DCDC2: variants seen among roughly 807,000 people sequenced by gnomAD.
The protein encoded by DCDC2 is doublecortin domain containing 2.
DCDC2 carries 40 observed loss-of-function variants against 50.2 expected under a neutral mutation model. The observed-to-expected ratio is 0.80, with a 90% CI of 0.62 to 1.04. The LOEUF (loss-of-function observed/expected upper bound fraction) is 1.04. Among genes scored for constraint, DCDC2 ranks in the 50% least tolerant of loss-of-function variants. The pLI, the probability that DCDC2 is intolerant of heterozygous loss-of-function variation, is 0.00. For synonymous variants in DCDC2, 234 were observed against 210.6 expected, an observed-to-expected ratio of 1.11 and a Z score of -0.96; for missense variants, 570 against 581.9, an observed-to-expected ratio of 0.98 and a Z score of 0.21.
At chr6:24,260,933 G>A (rs908630914) in intron 7 of DCDC2, among the ~76,000 whole-genome samples, 5 of 152,128 alleles carry the variant, frequency 3.3e-5, no homozygotes, top group Non-Finnish European at 7.4e-5. Context: ...TGAGAACTCT[G>A]GTACCAATGT....
intron 7 of DCDC2, among the ~76,000 whole-genome samples, chr6:24,225,127 C>T (rs908902681): frequency 6.6e-6 from 1 of 152,134 alleles, no homozygotes; most frequent in African/African-American, 2.4e-5. Context: ...GGGTCCCTCC[C>T]ATACCCAGAT....
intron 7 of DCDC2, among the ~76,000 whole-genome samples, chr6:24,254,776 A>T (rs568628640): frequency 2.0e-5 from 3 of 152,282 alleles, no homozygotes; most frequent in South Asian, 2.1e-4. Context: ...CAGCCAATTT[A>T]TTCCAGAAAT....
At chr6:24,288,428 C>G (rs1763664871) in intron 6 of DCDC2, among the ~76,000 whole-genome samples, 1 of 152,172 alleles carries the variant, frequency 6.6e-6, no homozygotes, top group Non-Finnish European at 1.5e-5. Flanking sequence ...AGATGGCAAA[C>G]TAAATACCTA....
chr6:24,358,808 A>T (rs1406440216), upstream of DCDC2, among the ~76,000 whole-genome samples: 1 of 33,902 alleles, frequency 2.9e-5, no homozygotes, highest in African/African-American at 9.9e-5. Flanking sequence ...TTTATATATT[A>T]TATATAAATA....
At chr6:24,203,410 C>T (rs146435648) in intron 8 of DCDC2, among the ~76,000 whole-genome samples, 4 of 152,130 alleles carry the variant, frequency 2.6e-5, no homozygotes, top group African/African-American at 7.2e-5. Flanking sequence ...TAATAAATGG[C>T]GTTGGGAAAA....
intron 6 of DCDC2, among the ~76,000 whole-genome samples, chr6:24,281,945 A>C (rs569240012): frequency 9.2e-5 from 14 of 152,322 alleles, no homozygotes; most frequent in South Asian, 2.1e-4. Flanking sequence ...TACTACACTG[A>C]AACTTTCTAA....
intron 8 of DCDC2, among the ~76,000 whole-genome samples, chr6:24,184,680 T>C (rs895011086): frequency 5.3e-5 from 8 of 152,134 alleles, no homozygotes; most frequent in African/African-American, 1.7e-4. Flanking sequence ...ATTATAAGAA[T>C]TGTCTAGCAG....
Position 24,172,020 on chromosome 6 carries a change from C to T in DCDC2, c.*2710G>A, listed in dbSNP as rs1331671445. On this transcript the variant is annotated 3_prime_UTR_variant, in exon 10 of 10. Coordinates refer to ENST00000378454, the MANE Select transcript of DCDC2 (RefSeq NM_016356.5). Reference sequence around the variant, plus strand: ...AAGCCAAACCAAGATCTTGTCTGTCCACTCACATAAAAGGTCCCAGGTCTG... The same window carrying T: ...AAGCCAAACCAAGATCTTGTCTGTCTACTCACATAAAAGGTCCCAGGTCTG... 1 of 152,140 alleles carries T rather than the reference C, an allele frequency of 6.6e-6. No individual in the cohort carries two copies. Among genetic ancestry groups the T allele is most frequent in the Non-Finnish European group, 1.5e-5 (1 of 68,038 alleles). 9.4% of individuals were successfully genotyped at this position (152,140 alleles called of 1,614,324 possible).
At chr6:24,379,880 G>A in the DCDC2 span, among the ~76,000 whole-genome samples, 1 of 152,238 alleles carries the variant, frequency 6.6e-6, no homozygotes, top group East Asian at 1.9e-4. Context: ...ATGAGTTCAT[G>A]TCCTTTGCAG....
At chr6:24,302,137 C>A in intron 2 of DCDC2, 93 bp from the exon 3 acceptor site, 1 of 1,041,374 alleles carries the variant, frequency 9.6e-7, no homozygotes, top group Non-Finnish European at 1.4e-6. Context: ...AGGGAACTGC[C>A]TGAGACTTCC....
chr6:24,219,859 A>C (rs1561895071), intron 7 of DCDC2, among the ~76,000 whole-genome samples: 1 of 152,234 alleles, frequency 6.6e-6, no homozygotes, highest in Non-Finnish European at 1.5e-5. Context: ...CATCTGAACA[A>C]GGGGTGAAGG....
At chr6:24,183,163 T>C (rs960198586) in intron 8 of DCDC2, among the ~76,000 whole-genome samples, 17 of 152,160 alleles carry the variant, frequency 1.1e-4, no homozygotes, top group Admixed American at 3.3e-4. Flanking sequence ...TCTTGTTTAA[T>C]GGGTATGGAG....
the DCDC2 span, among the ~76,000 whole-genome samples, chr6:24,364,602 T>C: frequency 2.0e-5 from 3 of 152,210 alleles, no homozygotes; most frequent in African/African-American, 7.2e-5. Context: ...GCACAGAGGC[T>C]GGAACATAGT....
chr6:24,250,614 A>G (rs1762777280), intron 7 of DCDC2, among the ~76,000 whole-genome samples: 3 of 152,234 alleles, frequency 2.0e-5, no homozygotes, highest in Non-Finnish European at 4.4e-5. Flanking sequence ...GCATGCACAA[A>G]TATATTTATA....
chr6:24,220,899 CGAGCGAGAGAGT>C (rs1170455755), intron 7 of DCDC2, among the ~76,000 whole-genome samples: 2 of 115,840 alleles, frequency 1.7e-5, no homozygotes, highest in African/African-American at 2.9e-5. Context: ...AGTGAGCGAG[CGAGCGAGAGAGT>C]GAGCGAGCGA....
intron 5 of DCDC2, 124 bp downstream of exon 5, chr6:24,290,808 G>A: frequency 2.4e-6 from 2 of 841,146 alleles, no homozygotes; most frequent in Non-Finnish European, 3.5e-6. Context: ...TACCATATAT[G>A]CTTTCCATTC....
chr6:24,342,948 A>T (rs1480737691), intron 2 of DCDC2, among the ~76,000 whole-genome samples: 1 of 151,960 alleles, frequency 6.6e-6, no homozygotes, highest in Non-Finnish European at 1.5e-5. Flanking sequence ...CTCTTTAGAG[A>T]GTCCTCCTAC....
chr6:24,341,058 A>G (rs1478559959), intron 2 of DCDC2, among the ~76,000 whole-genome samples: 1 of 152,220 alleles, frequency 6.6e-6, no homozygotes, highest in Non-Finnish European at 1.5e-5. Context: ...TTGGCAGCCC[A>G]GTTACATATG....
rs547684834 is a variant in DCDC2 at position 24,289,457 on chromosome 6, C to G, written c.705-551G>C. Among the ~76,000 whole-genome samples, 69 of 152,242 alleles carry G rather than the reference C, an allele frequency of 4.5e-4. No homozygotes were observed. The South Asian group carries it at 0.014, about 30-fold the overall frequency. On this transcript the variant is annotated intron_variant, in intron 5 of 9. Coordinates refer to ENST00000378454, the MANE Select transcript of DCDC2 (RefSeq NM_016356.5). ...TATTAGGAAAAGACCCATCTTGAAACCCAACTGAATCTCTCCAAAAATAGA... is the reference window on the plus strand; with the variant it reads ...TATTAGGAAAAGACCCATCTTGAAAGCCAACTGAATCTCTCCAAAAATAGA...
Sources: allele counts gnomAD v4.1 joint callset (sites outside exome capture counted in the v4.1 genomes callset), GRCh38; gene constraint gnomAD v4.1.1; transcripts MANE v1.5; gene names NCBI Gene and HGNC (gene_info 2026-07-23, HGNC 2026-07-21).